UNC5D: variants seen among roughly 807,000 people sequenced by gnomAD.
The protein encoded by UNC5D is netrin receptor UNC5D.
UNC5D carries 39 observed loss-of-function variants against 105.4 expected under a neutral mutation model. That is an observed-to-expected ratio of 0.37 (90% CI 0.29 to 0.48). The LOEUF is 0.48. UNC5D is among the 20% of genes least tolerant of loss of function. UNC5D has a pLI of 0.98. For missense variants in UNC5D, 991 were observed against 1,202.4 expected (o/e 0.82, Z 2.60); for synonymous variants, 452 against 450.4 (o/e 1.00, Z -0.04).
intron 2 of UNC5D, among the ~76,000 whole-genome samples, chr8:35,560,705 T>C (rs1379471815): frequency 2.1e-5 from 3 of 142,074 alleles, no homozygotes; most frequent in African/African-American, 8.3e-5. Context: ...AGAGATAATA[T>C]ACCTTTTGTG....
chr8:35,517,543 T>C (rs1410804202), intron 1 of UNC5D, among the ~76,000 whole-genome samples: 2 of 152,180 alleles, frequency 1.3e-5, no homozygotes, highest in African/African-American at 2.4e-5. Flanking sequence ...GAGATCACTA[T>C]CCTCTTGATG....
At chr8:35,658,018 A>G (rs1047423973) in intron 4 of UNC5D, among the ~76,000 whole-genome samples, 56 of 152,346 alleles carry the variant, frequency 3.7e-4, no homozygotes, top group African/African-American at 1.2e-3. Context: ...GACTACATAC[A>G]TGTTAAACAG....
At chr8:35,457,786 A>G (rs1808596309) in intron 1 of UNC5D, among the ~76,000 whole-genome samples, 2 of 152,160 alleles carry the variant, frequency 1.3e-5, no homozygotes, top group Admixed American at 1.3e-4. Flanking sequence ...CTGCTCGAGG[A>G]CACTAGATCT....
chr8:35,701,620 C>T (rs1452417241), intron 7 of UNC5D, among the ~76,000 whole-genome samples: 1 of 152,110 alleles, frequency 6.6e-6, no homozygotes, highest in Non-Finnish European at 1.5e-5. Context: ...TCTCTTTCTC[C>T]ATCATATAGA....
chr8:35,532,416 G>T (rs1373974800), intron 1 of UNC5D, among the ~76,000 whole-genome samples: 1 of 121,700 alleles, frequency 8.2e-6, no homozygotes, highest in Non-Finnish European at 1.7e-5. Context: ...CGAGAGATCC[G>T]CTGTTAGTCT....
At position 35,774,239 on chromosome 8, in the gene UNC5D, A is replaced by T; in HGVS notation, c.2479-60A>T. 4 of 1,582,012 alleles carry T rather than the reference A, an allele frequency of 2.5e-6. No individual in the cohort carries two copies. In the South Asian group the frequency reaches 4.6e-5, roughly 18 times the overall value. ...AACCCAGATTTTCTTAAAAAATGAAAGTGTTGGTCAGGACTGCTTTCAGAT... is the reference window on the plus strand; with the variant it reads ...AACCCAGATTTTCTTAAAAAATGAATGTGTTGGTCAGGACTGCTTTCAGAT... On this transcript the variant is annotated intron_variant, in intron 15 of 16. Transcript: ENST00000404895.
At chr8:35,376,001 C>T (rs899215890) in intron 1 of UNC5D, among the ~76,000 whole-genome samples, 5 of 152,164 alleles carry the variant, frequency 3.3e-5, no homozygotes, top group African/African-American at 1.2e-4. Context: ...TTTGGTCAAA[C>T]TGCAATCTGT....
intron 4 of UNC5D, among the ~76,000 whole-genome samples, chr8:35,629,923 G>A (rs1046866022): frequency 3.3e-5 from 5 of 152,098 alleles, no homozygotes; most frequent in East Asian, 1.9e-4. Flanking sequence ...TGTAACTTAC[G>A]GGTAACCCTA....
chr8:35,422,126 GC>G (rs1805950437), intron 1 of UNC5D, among the ~76,000 whole-genome samples: 1 of 152,156 alleles, frequency 6.6e-6, no homozygotes, highest in Admixed American at 6.5e-5. Context: ...TGCCTAGAGA[GC>G]CCCATCTCAC....
intron 4 of UNC5D, among the ~76,000 whole-genome samples, chr8:35,655,690 G>A (rs1416825952): frequency 6.6e-6 from 1 of 152,192 alleles, no homozygotes; most frequent in Non-Finnish European, 1.5e-5. Context: ...GGTATAGACA[G>A]CAAATGTTTT....
At chr8:35,573,991 C>T (rs369893674) in intron 3 of UNC5D, among the ~76,000 whole-genome samples, 15 of 152,320 alleles carry the variant, frequency 9.8e-5, no homozygotes, top group Admixed American at 2.0e-4. Context: ...ACAACTCCCA[C>T]GGGCCTCCTC....
chr8:35,253,891 G>A (rs544756097), intron 1 of UNC5D, among the ~76,000 whole-genome samples: 21 of 152,090 alleles, frequency 1.4e-4, no homozygotes, highest in African/African-American at 5.1e-4. Flanking sequence ...ATTTATGAAG[G>A]TTGCACATAT....
rs10107782 is a variant in UNC5D, at chr8:35,578,222, T to C, written c.466+9981T>C. Among the ~76,000 whole-genome samples the C allele has an allele frequency of 9.7e-3, 883 of 90,650 alleles. 18 individuals carry two copies. The highest frequency in any genetic ancestry group is 0.046 in the African/African-American group (810 of 17,782). The allele number at this position is 90,650 out of a possible 152,430, so 59.5% of individuals were successfully genotyped here. On this transcript the variant is annotated intron_variant, in intron 3 of 16. Transcript: ENST00000404895. The stretch of plus-strand genomic sequence containing the variant: ...CCTGCGGGACAAGAGCAAAACTCTG[T>C]CTCAAAAAAAAAAAAAAAAAAGAAA...
intron 1 of UNC5D, among the ~76,000 whole-genome samples, chr8:35,264,944 G>A (rs546281731): frequency 6.6e-6 from 1 of 152,270 alleles, no homozygotes; most frequent in African/African-American, 2.4e-5. Context: ...AAAATGGGCA[G>A]ATGGTTCATA....
intron 1 of UNC5D, among the ~76,000 whole-genome samples, chr8:35,431,210 A>C (rs927217927): frequency 6.6e-6 from 1 of 152,198 alleles, no homozygotes; most frequent in Non-Finnish European, 1.5e-5. Flanking sequence ...GTAAAAGACC[A>C]TAAGTGTAAA....
chr8:35,344,322 A>T (rs1418564948), intron 1 of UNC5D, among the ~76,000 whole-genome samples: 2 of 152,016 alleles, frequency 1.3e-5, no homozygotes, highest in African/African-American at 4.8e-5. Flanking sequence ...TTAGTCCTGG[A>T]TCAAATTTGG....
At chr8:35,509,498 T>TCTCCTCTCCTCTCTCCTCCC (rs1563485303) in intron 1 of UNC5D, among the ~76,000 whole-genome samples, 1 of 6,688 alleles carries the variant, frequency 1.5e-4, no homozygotes, top group African/African-American at 6.4e-4. Flanking sequence ...AAGAATCTCC[T>TCTCCTCTCCTCTCTCCTCCC]CTCCTCTCTT....
At chr8:35,401,100 G>A (rs1339658576) in intron 1 of UNC5D, among the ~76,000 whole-genome samples, 1 of 152,042 alleles carries the variant, frequency 6.6e-6, no homozygotes, top group Non-Finnish European at 1.5e-5. Context: ...TCTTACAAAA[G>A]AAGGTAAAAT....
intron 7 of UNC5D, among the ~76,000 whole-genome samples, chr8:35,691,914 T>C (rs965626845): frequency 1.3e-5 from 2 of 152,224 alleles, no homozygotes; most frequent in South Asian, 2.1e-4. Flanking sequence ...ACTAAGGGCA[T>C]TGGCTTGAGA....
Sources: gnomAD v4.1 joint callset for allele counts (sites outside exome capture counted in the v4.1 genomes callset) on GRCh38, gnomAD v4.1.1 for gene constraint, MANE v1.5 for transcripts, NCBI Gene and HGNC (gene_info 2026-07-23, HGNC 2026-07-21) for gene names.